The following URI1 variants were observed in gnomAD, a reference collection of about 807,000 sequenced individuals.
The protein encoded by URI1 is URI1 prefoldin like chaperone, also known as unconventional prefoldin RPB5 interactor 1.
URI1 carries 39 observed loss-of-function variants against 60.2 expected under a neutral mutation model. The observed-to-expected ratio is 0.65, with a 90% CI of 0.50 to 0.85. The LOEUF (loss-of-function observed/expected upper bound fraction) is 0.85. Ranked by LOEUF, URI1 falls within the 40% of genes least tolerant of loss-of-function variation. The pLI is 0.00. For synonymous variants in URI1, 251 were observed against 236.8 expected (o/e 1.06, Z -0.55); for missense variants, 691 against 665.9 (o/e 1.04, Z -0.42).
At chr19:30,007,268 G>A (rs892064278) in intron 6 of URI1, among the ~76,000 whole-genome samples, 7 of 151,936 alleles carry the variant, frequency 4.6e-5, no homozygotes, top group African/African-American at 1.7e-4. Flanking sequence ...CCCCAAGGAC[G>A]CCAGTGCTGT....
intron 1 of URI1, among the ~76,000 whole-genome samples, chr19:29,964,761 C>G (rs2055371077): frequency 6.6e-6 from 1 of 151,714 alleles, no homozygotes. Flanking sequence ...CACACCCGGC[C>G]AGTGGTGTTT....
At position 29,924,212 on chromosome 19, in the gene URI1, A is replaced by G. The variant is rs145718117; in HGVS notation, c.63+458A>G. On this transcript the variant is annotated intron_variant, in intron 1 of 10. Coordinates refer to the URI1 transcript ENST00000360605. Reference sequence around the variant, plus strand: ...TTCGAGTACCAATCTCTTTGAAAACACCCTCCCAGATGCACCCAGAAATAA... The same window carrying G: ...TTCGAGTACCAATCTCTTTGAAAACGCCCTCCCAGATGCACCCAGAAATAA... 3.7e-3 allele frequency among the ~76,000 whole-genome samples: 559 copies of G among 152,132 alleles called. 3 individuals are homozygous for G. The highest frequency in any genetic ancestry group is 0.013 in the African/African-American group (538 of 41,478).
At chr19:29,932,215 G>A (rs141870381) in intron 1 of URI1, among the ~76,000 whole-genome samples, 4 of 152,052 alleles carry the variant, frequency 2.6e-5, no homozygotes, top group East Asian at 1.9e-4. Context: ...ACGTTGAAGA[G>A]GTTCGTTTCT....
At chr19:29,988,753 A>T (rs1425105318) in intron 4 of URI1, among the ~76,000 whole-genome samples, 2 of 152,172 alleles carry the variant, frequency 1.3e-5, no homozygotes, top group African/African-American at 4.8e-5. Flanking sequence ...GCCTTTGTGT[A>T]CAGGTTTTTG....
chr19:29,975,628 G>A (rs1399416392), intron 2 of URI1, among the ~76,000 whole-genome samples: 1 of 150,678 alleles, frequency 6.6e-6, no homozygotes, highest in African/African-American at 2.4e-5. Context: ...CTCAGCCTCC[G>A]AAGTAGCTGA....
chr19:29,929,024 C>T (rs1242504733), intron 1 of URI1, among the ~76,000 whole-genome samples: 1 of 152,184 alleles, frequency 6.6e-6, no homozygotes, highest in Non-Finnish European at 1.5e-5. Context: ...TCTTGGTTTG[C>T]ACATTATCAT....
Position 29,949,206 on chromosome 19 carries a change from G to A in URI1, c.117+6542G>A, listed in dbSNP as rs571994121. ...TGACTTCCCAGATGGGGCGGCTGCC[G>A]GGCGGAGGGGCTCCTCACTTTTCAG... On this transcript the variant is annotated intron_variant, in intron 1 of 10. Transcript: ENST00000392271. Among the ~76,000 whole-genome samples the A allele has an allele frequency of 4.7e-5, 7 of 149,072 alleles. No individual in the cohort carries two copies. The South Asian group carries it at 6.4e-4, about 14-fold the overall frequency.
chr19:29,964,627 AT>A (rs1568420300), intron 1 of URI1, among the ~76,000 whole-genome samples: 1 of 151,082 alleles, frequency 6.6e-6, no homozygotes, highest in African/African-American at 2.4e-5. Flanking sequence ...CGCCTGGCCA[AT>A]TTTTTGTATT....
chr19:29,930,861 C>CTT (rs35842559), intron 1 of URI1, among the ~76,000 whole-genome samples: 5 of 131,068 alleles, frequency 3.8e-5, no homozygotes, highest in Non-Finnish European at 5.0e-5. Context: ...CCATGCCTGT[C>CTT]TTTTTTTTTT....
chr19:30,006,942 G>A (rs1240065841), intron 6 of URI1, among the ~76,000 whole-genome samples: 2 of 152,110 alleles, frequency 1.3e-5, no homozygotes, highest in Non-Finnish European at 2.9e-5. Flanking sequence ...ACTTTACAGA[G>A]ATGAGCCGCC....
At chr19:29,980,612 TAAAAA>T (rs71333427) in intron 2 of URI1, among the ~76,000 whole-genome samples, 8 of 73,860 alleles carry the variant, frequency 1.1e-4, no homozygotes, top group Admixed American at 2.4e-4. Context: ...TTTTTTTTCT[TAAAAA>T]AAAAAAAAAA....
At chr19:29,947,018 T>A (rs2055111143) in intron 1 of URI1, among the ~76,000 whole-genome samples, 1 of 152,192 alleles carries the variant, frequency 6.6e-6, no homozygotes, top group South Asian at 2.1e-4. Flanking sequence ...GGATGGTGTC[T>A]TCTGTAAGCC....
chr19:29,962,929 A>G (rs551259413), intron 1 of URI1, among the ~76,000 whole-genome samples: 1 of 152,228 alleles, frequency 6.6e-6, no homozygotes, highest in Admixed American at 6.5e-5. Context: ...ATACTCTGTT[A>G]TCTTTCACTT....
chr19:29,961,247 CTTTTTTTT>C (rs764946990), intron 1 of URI1, among the ~76,000 whole-genome samples: 1 of 128,742 alleles, frequency 7.8e-6, no homozygotes, highest in African/African-American at 2.8e-5. Flanking sequence ...ATCTCCAGGC[CTTTTTTTT>C]TTTTTTTTTT....
rs1053167005 is a variant in URI1, at chr19:29,975,899, A to ATG, written c.152+4682_152+4683dup. ...GCATAATGTAAGTGTTTGTGTATGT[A>ATG]TGTGTGTGTGTTGTGTGTGTGTATT... On this transcript the variant is annotated intron_variant, in intron 2 of 10. Transcript: ENST00000392271. Among the ~76,000 whole-genome samples the ATG allele has an allele frequency of 8.5e-5, 13 of 152,128 alleles. No homozygotes were observed. In the East Asian group the frequency reaches 1.5e-3, roughly 18 times the overall value.
At chr19:29,994,646 G>T (rs1006447448) in intron 4 of URI1, among the ~76,000 whole-genome samples, 2 of 151,958 alleles carry the variant, frequency 1.3e-5, no homozygotes, top group Non-Finnish European at 2.9e-5. Context: ...TGAATAATGT[G>T]AATTATTCTG....
In URI1 at chr19:29,956,608, A is replaced by G. The variant is rs149714364; in HGVS notation, c.117+13944A>G. On this transcript the variant is annotated intron_variant, in intron 1 of 10. Coordinates refer to ENST00000392271, the MANE Select transcript of URI1 (RefSeq NM_003796.3). ...TACTGAACAGGCAACACCTGGTCTC[A>G]TCTGAACCCTGCGGATGTATTTTTC... is the stretch of plus-strand genomic sequence containing the variant. The G allele has an allele frequency of 5.3e-6, 8 of 1,501,250 alleles. No individual in the cohort carries two copies. The East Asian group carries it at 1.6e-4, about 30-fold the overall frequency. 93.0% of individuals were successfully genotyped at this position (1,501,250 alleles called of 1,614,324 possible). A position where few individuals can be genotyped will look rare whatever the true frequency, so the allele number is the denominator to read the frequency against.
chr19:29,961,930 C>CCA (rs2145294757), intron 1 of URI1, among the ~76,000 whole-genome samples: 1 of 152,234 alleles, frequency 6.6e-6, no homozygotes, highest in African/African-American at 2.4e-5. Context: ...GGTGATCCAC[C>CCA]CACCTCGGCC....
At chr19:29,925,186 A>G (rs916138190) in intron 1 of URI1, among the ~76,000 whole-genome samples, 3 of 152,228 alleles carry the variant, frequency 2.0e-5, no homozygotes, top group African/African-American at 7.2e-5. Flanking sequence ...GACAGCCTCC[A>G]ATTCTTGCAG....
Sources: allele counts gnomAD v4.1 joint callset (sites outside exome capture counted in the v4.1 genomes callset), GRCh38; gene constraint gnomAD v4.1.1; transcripts MANE v1.5; gene names NCBI Gene and HGNC (gene_info 2026-07-23, HGNC 2026-07-21).